The following CELF2 variants were observed in gnomAD, a reference collection of about 807,000 sequenced individuals.
CELF2 encodes the protein CUG triplet repeat RNA-binding protein 2.
A neutral mutation model predicts 62.6 loss-of-function variants in CELF2; 8 were observed. The ratio of observed to expected loss-of-function variants is 0.13; its 90% CI spans 0.07 to 0.23. The LOEUF (loss-of-function observed/expected upper bound fraction) is 0.23, where lower values mean the gene tolerates loss of function less well. CELF2 is among the 10% of genes least tolerant of loss of function. The pLI, the probability that CELF2 is intolerant of heterozygous loss-of-function variation, is 1.00. For synonymous variants in CELF2, 258 were observed against 250.0 expected, an observed-to-expected ratio of 1.03 and a Z score of -0.30; for missense variants, 333 against 671.0, an observed-to-expected ratio of 0.50 and a Z score of 5.56.
At chr10:11,067,293 T>C (rs189619908) in intron 1 of CELF2, among the ~76,000 whole-genome samples, 1 of 152,364 alleles carries the variant, frequency 6.6e-6, no homozygotes, top group Non-Finnish European at 1.5e-5. Context: ...TGATATTTTA[T>C]GGCAACAAGC....
At chr10:11,139,928 C>T (rs553001529) in intron 1 of CELF2, among the ~76,000 whole-genome samples, 26 of 151,976 alleles carry the variant, frequency 1.7e-4, no homozygotes, top group Middle Eastern at 6.8e-3. Flanking sequence ...CATTTCTCTT[C>T]GTCTCCACTG....
At chr10:10,647,661 C>T in the CELF2 span, among the ~76,000 whole-genome samples, 5 of 152,108 alleles carry the variant, frequency 3.3e-5, no homozygotes, top group Admixed American at 2.0e-4. Context: ...TATCCCCGGG[C>T]CTTGGAGAAA....
At chr10:10,666,575 G>T in the CELF2 span, among the ~76,000 whole-genome samples, 1 of 136,050 alleles carries the variant, frequency 7.4e-6, no homozygotes, top group Admixed American at 7.2e-5. Context: ...GTGTTTGTAA[G>T]AAAGAGGCCG....
rs1211691991 is a variant in CELF2 at position 11,306,971 on chromosome 10, G to C, written c.977-7168G>C. On this transcript the variant is annotated intron_variant, in intron 9 of 12. Coordinates refer to ENST00000633077, the MANE Select transcript of CELF2 (RefSeq NM_001326342.2). The surrounding 1 kb of genome is among the most constrained non-coding windows in gnomAD (Gnocchi z 4.4). Reference sequence around the variant, plus strand: ...ACCTCTCCTATGGCCCCCTGAGCTAGGCTGCCCCATGCTCATAGGCTGTGC... The same window carrying C: ...ACCTCTCCTATGGCCCCCTGAGCTACGCTGCCCCATGCTCATAGGCTGTGC... Among the ~76,000 whole-genome samples, 1 of 152,212 alleles carries C rather than the reference G, an allele frequency of 6.6e-6. No homozygotes were observed. The highest frequency in any genetic ancestry group is 2.1e-4 in the South Asian group (1 of 4,834).
chr10:10,658,725 A>C, the CELF2 span, among the ~76,000 whole-genome samples: 1 of 152,190 alleles, frequency 6.6e-6, no homozygotes, highest in South Asian at 2.1e-4. Flanking sequence ...TTGTGAGTCT[A>C]TTCTATGTAG....
In CELF2 at chr10:11,309,264, C is replaced by CT. The variant is rs1175111070; in HGVS notation, c.977-4873dup. On this transcript the variant is annotated intron_variant, in intron 9 of 12. Coordinates refer to ENST00000633077, the MANE Select transcript of CELF2 (RefSeq NM_001326342.2). This position sits in a 1 kb window ranked among gnomAD's most constrained non-coding sequence, Gnocchi z 5.6. ...ACAGCACTTCTGGGTGCTAATCCTCCTTACCCACTGCACATCACCCCTTCC... is the reference window on the plus strand; with the variant it reads ...ACAGCACTTCTGGGTGCTAATCCTCCTTTACCCACTGCACATCACCCCTTCC... 6.6e-6 allele frequency among the ~76,000 whole-genome samples: 1 copy of CT among 152,218 alleles called. No individual in the cohort carries two copies. The highest frequency in any genetic ancestry group is 1.5e-5 in the Non-Finnish European group (1 of 68,042).
chr10:10,798,411 T>C, upstream of CELF2: 1 of 211,236 alleles, frequency 4.7e-6, no homozygotes, highest in Non-Finnish European at 9.3e-6. Context: ...GCTTCAGGCT[T>C]GATCTGTGTT....
chr10:10,768,210 A>G, the CELF2 span, among the ~76,000 whole-genome samples: 2 of 151,694 alleles, frequency 1.3e-5, no homozygotes, highest in African/African-American at 4.8e-5. Context: ...CCTGCATCCA[A>G]TTGGTGAAAC....
At chr10:10,470,150 T>C in the CELF2 span, among the ~76,000 whole-genome samples, 1 of 151,872 alleles carries the variant, frequency 6.6e-6, no homozygotes, top group African/African-American at 2.4e-5. Flanking sequence ...TCAAGCATTT[T>C]AGATAAGGGA....
chr10:11,260,295 C>T lies in CELF2; in HGVS notation c.538+2423C>T, dbSNP rs777646599. Among the ~76,000 whole-genome samples the T allele has an allele frequency of 4.6e-5, 7 of 152,190 alleles. No individual in the cohort carries two copies. The highest frequency in any genetic ancestry group is 1.0e-4 in the Non-Finnish European group (7 of 68,034). Reference sequence around the variant, plus strand: ...GTATGTGTGCTTGATTTCTGCTCCCCGTCTGCTGGCCTGGCTGATCTAGGC... The same window carrying T: ...GTATGTGTGCTTGATTTCTGCTCCCTGTCTGCTGGCCTGGCTGATCTAGGC... On this transcript the variant is annotated intron_variant, in intron 5 of 12. Transcript: ENST00000633077. This position sits in a 1 kb window ranked among gnomAD's most constrained non-coding sequence, Gnocchi z 4.2.
At chr10:11,197,025 A>AAAAGAAAGAAAGAAAGAAAGAAAG (rs774383276) in intron 2 of CELF2, among the ~76,000 whole-genome samples, 1,225 of 26,124 alleles carry the variant, frequency 0.047, 290 homozygotes, top group East Asian at 0.1. Flanking sequence ...AGAAAGAAAG[A>AAAAGAAAGAAAGAAAGAAAGAAAG]AAAGAAAGAA....
chr10:10,696,460 G>T, the CELF2 span, among the ~76,000 whole-genome samples: 1 of 151,788 alleles, frequency 6.6e-6, no homozygotes, highest in African/African-American at 2.4e-5. Flanking sequence ...CTTTTTGTTT[G>T]TCTGTGCCCT....
the CELF2 span, among the ~76,000 whole-genome samples, chr10:10,657,129 G>A: frequency 1.3e-5 from 2 of 152,020 alleles, no homozygotes; most frequent in African/African-American, 4.8e-5. Context: ...AAAAAATTTG[G>A]TTAAGTTAAA....
chr10:11,216,735 A>G (rs1456604423), intron 2 of CELF2, among the ~76,000 whole-genome samples: 1 of 152,218 alleles, frequency 6.6e-6, no homozygotes, highest in African/African-American at 2.4e-5. Flanking sequence ...TTTGGAAAGG[A>G]GGAATCAAAA....
the CELF2 span, among the ~76,000 whole-genome samples, chr10:10,757,734 A>G: frequency 2.0e-5 from 3 of 152,226 alleles, no homozygotes; most frequent in African/African-American, 7.2e-5. Flanking sequence ...CCTGTGGCTT[A>G]GTAAAGCATT....
chr10:11,265,062 TTC>T (rs1424568372), intron 5 of CELF2, among the ~76,000 whole-genome samples: 4 of 152,260 alleles, frequency 2.6e-5, no homozygotes, highest in African/African-American at 9.6e-5. Flanking sequence ...AGGCATTGCT[TTC>T]TCTTATTGCT....
chr10:11,077,567 A>G (rs1316090883), intron 1 of CELF2, among the ~76,000 whole-genome samples: 1 of 152,212 alleles, frequency 6.6e-6, no homozygotes, highest in East Asian at 1.9e-4. Context: ...CTGGAAAATG[A>G]TGCAAATCCT....
At chr10:10,692,020 C>A in the CELF2 span, among the ~76,000 whole-genome samples, 1 of 151,346 alleles carries the variant, frequency 6.6e-6, no homozygotes, top group African/African-American at 2.4e-5. Context: ...TAATGAGATC[C>A]CATTTGTCAA....
chr10:10,998,727 G>T (rs1272918039), intron 2 of CELF2, among the ~76,000 whole-genome samples: 1 of 152,120 alleles, frequency 6.6e-6, no homozygotes, highest in East Asian at 1.9e-4. Flanking sequence ...AGCATTAAAT[G>T]CAAAAAGTAG....
Sources: gnomAD v4.1 joint callset for allele counts (sites outside exome capture counted in the v4.1 genomes callset) on GRCh38, gnomAD v4.1.1 for gene constraint, Gnocchi (gnomAD v3.1) non-coding constraint, MANE v1.5 for transcripts, NCBI Gene and HGNC (gene_info 2026-07-23, HGNC 2026-07-21) for gene names.